The following MAGI2 variants were observed in gnomAD, a reference collection of about 807,000 sequenced individuals.
MAGI2 encodes membrane-associated guanylate kinase, WW and PDZ domain-containing protein 2.
In MAGI2, 35 loss-of-function variants were observed where a neutral mutation model predicts 133.3. The ratio of observed to expected loss-of-function variants is 0.26; its 90% CI spans 0.20 to 0.35. The LOEUF is 0.35. MAGI2 is among the 10% of genes least tolerant of loss of function. The pLI, the probability that MAGI2 is intolerant of heterozygous loss-of-function variation, is 1.00. For synonymous variants in MAGI2, 729 were observed against 710.6 expected (o/e 1.03, Z -0.41); for missense variants, 1,636 against 1,863.4 (o/e 0.88, Z 2.25).
chr7:78,943,924 A>G (rs1054161849), intron 2 of MAGI2, among the ~76,000 whole-genome samples: 1 of 152,180 alleles, frequency 6.6e-6, no homozygotes, highest in Admixed American at 6.5e-5. Flanking sequence ...ATTTTAAACT[A>G]ATACATGTAA....
intron 21 of MAGI2, among the ~76,000 whole-genome samples, chr7:78,051,673 C>T (rs1812014928): frequency 6.6e-6 from 1 of 152,058 alleles, no homozygotes; most frequent in South Asian, 2.1e-4. Flanking sequence ...CAACCTCTGC[C>T]TCCTGTGTTC....
chr7:78,506,732 G>T (rs1584434751), intron 4 of MAGI2, among the ~76,000 whole-genome samples: 1 of 152,192 alleles, frequency 6.6e-6, no homozygotes, highest in Admixed American at 6.5e-5. Context: ...GACACTGGCT[G>T]CCAGTTACGG....
chr7:79,400,927 G>A (rs7807048), intron 1 of MAGI2, among the ~76,000 whole-genome samples: 1 of 151,880 alleles, frequency 6.6e-6, no homozygotes, highest in Admixed American at 6.6e-5. Context: ...TGAAGTGCCA[G>A]CTCTCAATAT....
At chr7:78,543,847 T>C (rs1177509177) in intron 3 of MAGI2, among the ~76,000 whole-genome samples, 2 of 152,256 alleles carry the variant, frequency 1.3e-5, no homozygotes, top group Non-Finnish European at 2.9e-5. Context: ...TTTTTAGTCA[T>C]ATCTTTATGT....
chr7:79,037,436 G>A (rs1811232422), intron 1 of MAGI2, among the ~76,000 whole-genome samples: 1 of 152,076 alleles, frequency 6.6e-6, no homozygotes, highest in African/African-American at 2.4e-5. Flanking sequence ...CTTGACCAGG[G>A]CTAACACACT....
chr7:78,590,835 C>T (rs10258158), intron 3 of MAGI2, among the ~76,000 whole-genome samples: 4,101 of 152,232 alleles, frequency 0.027, 177 homozygotes, highest in African/African-American at 0.094. Flanking sequence ...CCTATTGGAG[C>T]AATGTAATTT....
chr7:78,363,844 T>G (rs2151244788), intron 7 of MAGI2, among the ~76,000 whole-genome samples: 1 of 152,362 alleles, frequency 6.6e-6, no homozygotes, highest in South Asian at 2.1e-4. Flanking sequence ...TATAAAAATA[T>G]CTATAGCTCA....
chr7:78,849,336 A>T (rs1792920812), intron 2 of MAGI2, among the ~76,000 whole-genome samples: 1 of 152,016 alleles, frequency 6.6e-6, no homozygotes, highest in Non-Finnish European at 1.5e-5. Flanking sequence ...AAAACAAAAC[A>T]AACAAAGCAA....
At chr7:78,464,426 C>A (rs546831900) in intron 6 of MAGI2, among the ~76,000 whole-genome samples, 5 of 152,124 alleles carry the variant, frequency 3.3e-5, no homozygotes, top group African/African-American at 4.8e-5. Context: ...TTTTGCTTGT[C>A]TGGCTTTTGT....
chr7:78,141,137 G>T (rs947722176), intron 16 of MAGI2, among the ~76,000 whole-genome samples: 1 of 152,122 alleles, frequency 6.6e-6, no homozygotes, highest in Non-Finnish European at 1.5e-5. Flanking sequence ...ACAAGGAGAG[G>T]TGCTTTGTGG....
chr7:78,675,459 G>C (rs1016031155), intron 2 of MAGI2, among the ~76,000 whole-genome samples: 1 of 152,060 alleles, frequency 6.6e-6, no homozygotes, highest in African/African-American at 2.4e-5. Context: ...CATTTATCAA[G>C]ATGCGGAATT....
chr7:78,538,925 T>G (rs1798183798), intron 3 of MAGI2, among the ~76,000 whole-genome samples: 1 of 152,216 alleles, frequency 6.6e-6, no homozygotes, highest in South Asian at 2.1e-4. Flanking sequence ...GAATACTACC[T>G]CACATCTCAA....
intron 2 of MAGI2, among the ~76,000 whole-genome samples, chr7:78,711,323 G>A (rs946470483): frequency 6.6e-6 from 1 of 152,034 alleles, no homozygotes; most frequent in Non-Finnish European, 1.5e-5. Context: ...TAATAATAAG[G>A]TAACATTAGA....
intron 1 of MAGI2, among the ~76,000 whole-genome samples, chr7:79,296,514 C>A (rs1413323502): frequency 6.6e-6 from 1 of 152,210 alleles, no homozygotes; most frequent in Admixed American, 6.5e-5. Context: ...TAAAACAGAA[C>A]AAAATCCTAT....
chr7:78,891,814 T>G (rs530449916), intron 2 of MAGI2, among the ~76,000 whole-genome samples: 17 of 152,182 alleles, frequency 1.1e-4, no homozygotes, highest in East Asian at 5.8e-4. Flanking sequence ...TTTGAAAACT[T>G]GCACAAGACA....
intron 2 of MAGI2, among the ~76,000 whole-genome samples, chr7:78,864,087 T>G (rs1252337278): frequency 1.3e-5 from 2 of 152,214 alleles, no homozygotes; most frequent in Admixed American, 1.3e-4. Context: ...CACAATATAT[T>G]TTTGTCTGAA....
chr7:78,399,210 C>T (rs1030321826), intron 6 of MAGI2, among the ~76,000 whole-genome samples: 2 of 152,178 alleles, frequency 1.3e-5, no homozygotes, highest in African/African-American at 4.8e-5. Flanking sequence ...AAAACGCTTA[C>T]ATTCTACCCT....
At chr7:78,652,842 C>G (rs1811724323) in intron 2 of MAGI2, among the ~76,000 whole-genome samples, 1 of 151,922 alleles carries the variant, frequency 6.6e-6, no homozygotes, top group Non-Finnish European at 1.5e-5. Context: ...TCAGAGTGAA[C>G]AGGCAACCTA....
chr7:78,269,943 T>C (rs1210262997), intron 9 of MAGI2, among the ~76,000 whole-genome samples: 2 of 152,208 alleles, frequency 1.3e-5, no homozygotes, highest in East Asian at 3.8e-4. Flanking sequence ...AATTTTTGTA[T>C]AAGGTGTAAG....
Sources: gnomAD v4.1 joint callset for allele counts (sites outside exome capture counted in the v4.1 genomes callset) on GRCh38, gnomAD v4.1.1 for gene constraint, MANE v1.5 for transcripts, NCBI Gene and HGNC (gene_info 2026-07-23, HGNC 2026-07-21) for gene names.